ZFHX3: variants seen among roughly 807,000 people sequenced by gnomAD.
ZFHX3 encodes zinc finger homeobox 3.
A neutral mutation model predicts 279.1 loss-of-function variants in ZFHX3; 42 were observed. The observed-to-expected ratio is 0.15, with a 90% CI of 0.12 to 0.19. The LOEUF is 0.19. ZFHX3 is among the 10% of genes least tolerant of loss of function. The pLI is 1.00. For missense variants in ZFHX3, 4,981 were observed against 4,754.0 expected, an observed-to-expected ratio of 1.05 and a Z score of -1.40; for synonymous variants, 2,293 against 1,957.8, an observed-to-expected ratio of 1.17 and a Z score of -4.52.
chr16:72,908,626 C>T (rs748884614), intron 3 of ZFHX3, among the ~76,000 whole-genome samples: 4 of 152,152 alleles, frequency 2.6e-5, no homozygotes, highest in East Asian at 3.9e-4. Context: ...GTGTCAGTCC[C>T]GCTGGTGCCA....
chr16:72,904,413 A>AATAG (rs2039120337), intron 3 of ZFHX3, among the ~76,000 whole-genome samples: 1 of 149,758 alleles, frequency 6.7e-6, no homozygotes. Flanking sequence ...TAAATAAATA[A>AATAG]ATAAATAAAA....
intron 5 of ZFHX3, among the ~76,000 whole-genome samples, chr16:73,171,821 T>C (rs1253661353): frequency 6.6e-6 from 1 of 152,218 alleles, no homozygotes; most frequent in African/African-American, 2.4e-5. Context: ...TGTCAACCTT[T>C]GGGGTTGAAT....
chr16:73,866,953 C>G (rs1270908621), intron 1 of ZFHX3, among the ~76,000 whole-genome samples: 2 of 152,160 alleles, frequency 1.3e-5, no homozygotes, highest in Non-Finnish European at 2.9e-5. Context: ...CTTCATGTCC[C>G]TTCTTGCTTT....
At position 72,950,450 on chromosome 16, in the gene ZFHX3, A is replaced by G; in HGVS notation, c.3216+19T>C. 6.2e-7 allele frequency: 1 copy of G among 1,606,708 alleles called. No individual in the cohort carries two copies. On this transcript the variant is annotated intron_variant, in intron 3 of 9. Coordinates refer to ENST00000268489, the MANE Select transcript of ZFHX3 (RefSeq NM_006885.4). ...TCCTTTCAGAAAGAGCGCCTGAGCC[A>G]TAAGGAGCTGGGCCTTACCTTGTAC...
intron 3 of ZFHX3, among the ~76,000 whole-genome samples, chr16:73,430,531 G>A (rs574151123): frequency 7.9e-5 from 12 of 152,162 alleles, no homozygotes; most frequent in East Asian, 3.9e-4. Flanking sequence ...GCGCTTCTGC[G>A]GGCAGAAGAG....
intron 1 of ZFHX3, among the ~76,000 whole-genome samples, chr16:73,784,808 T>C (rs1487634178): frequency 0.034 from 4,599 of 135,584 alleles, 275 homozygotes; most frequent in African/African-American, 0.12. Context: ...TATATATATA[T>C]ATATATATAC....
At chr16:72,957,371 AT>A (rs1335539334) in intron 2 of ZFHX3, 55 bp downstream of exon 2, 3 of 1,537,624 alleles carry the variant, frequency 2.0e-6, no homozygotes, top group African/African-American at 1.4e-5. Context: ...CCTATTCACC[AT>A]TCTCCCTGGT....
intron 5 of ZFHX3, among the ~76,000 whole-genome samples, chr16:73,224,645 A>G (rs2012535385): frequency 6.6e-6 from 1 of 152,252 alleles, no homozygotes; most frequent in South Asian, 2.1e-4. Flanking sequence ...ATCTCCTGAC[A>G]GATGAAATGC....
chr16:73,537,314 C>CTTTTTTTTTT (rs3051948), intron 2 of ZFHX3, among the ~76,000 whole-genome samples: 10 of 77,620 alleles, frequency 1.3e-4, no homozygotes, highest in Admixed American at 1.9e-4. Context: ...CTTTCTTCTT[C>CTTTTTTTTTT]TTTTTTTTTT....
chr16:72,791,143 G>C (rs763856211), intron 9 of ZFHX3: 2 of 152,146 alleles, frequency 1.3e-5, no homozygotes, highest in Non-Finnish European at 2.9e-5. Context: ...CACATCAGAC[G>C]TGTGACCCTG....
chr16:73,661,282 G>T (rs1355376420), intron 2 of ZFHX3, among the ~76,000 whole-genome samples: 1 of 151,988 alleles, frequency 6.6e-6, no homozygotes, highest in Non-Finnish European at 1.5e-5. Context: ...TGCCTCAATT[G>T]TAAAAAACAA....
intron 5 of ZFHX3, among the ~76,000 whole-genome samples, chr16:73,221,102 G>A (rs952993992): frequency 1.6e-4 from 25 of 152,156 alleles, no homozygotes; most frequent in African/African-American, 5.6e-4. Flanking sequence ...TAGCATAACC[G>A]TATTGTTGTA....
chr16:72,795,755 A>G lies in ZFHX3; in HGVS notation c.6927T>C (p.Asp2309=). The change falls in exon 9 of 10, where the codon GAT becomes GAC. Residue 2309 remains aspartate (D), a synonymous_variant. Transcript: ENST00000268489. Reference sequence around the variant, plus strand: ...CATTTGTAAGCTCACGCCGCTCTCCATCTTTGCCCTCTCCCTGATTCTCAT... The same window carrying G: ...CATTTGTAAGCTCACGCCGCTCTCCGTCTTTGCCCTCTCCCTGATTCTCAT... ...KNYENQGEGK[D]GERRELTNDR... is the part of the protein sequence containing the mutation. 6.2e-7 allele frequency: 1 copy of G among 1,614,162 alleles called. No individual in the cohort carries two copies. The highest frequency in any genetic ancestry group is 1.3e-5 in the African/African-American group (1 of 75,028).
intron 1 of ZFHX3, among the ~76,000 whole-genome samples, chr16:73,708,090 A>T (rs539990558): frequency 7.9e-5 from 12 of 151,208 alleles, no homozygotes; most frequent in African/African-American, 2.2e-4. Context: ...GGGGGGGGGA[A>T]GTATTTACAA....
chr16:73,864,828 G>A (rs1414876532), intron 1 of ZFHX3, among the ~76,000 whole-genome samples: 3 of 152,172 alleles, frequency 2.0e-5, no homozygotes, highest in Admixed American at 1.3e-4. Flanking sequence ...ATTTGAATTG[G>A]TGTCATAAAC....
chr16:73,484,414 A>C (rs1358918867), intron 2 of ZFHX3, among the ~76,000 whole-genome samples: 3 of 152,176 alleles, frequency 2.0e-5, no homozygotes, highest in Non-Finnish European at 2.9e-5. Context: ...AAAGGTTTGC[A>C]GACTTTCGCC....
In ZFHX3 at chr16:73,303,054, G is replaced by T. The variant is rs140718665; in HGVS notation, c.-1194+15186C>A. 7.1e-4 allele frequency among the ~76,000 whole-genome samples: 107 copies of T among 151,490 alleles called. 2 individuals carry two copies. In the East Asian group the frequency reaches 0.018, roughly 26 times the overall value. On this transcript the variant is annotated intron_variant, in intron 4 of 17. Transcript: ENST00000641206. Reference sequence around the variant, plus strand: ...GAGACTTTTTTTTTTTTTGAGACAGGATCTTGCTCTGTTGCCCAGCCTGGA... The same window carrying T: ...GAGACTTTTTTTTTTTTTGAGACAGTATCTTGCTCTGTTGCCCAGCCTGGA...
At chr16:73,870,702 GT>G (rs1243222830) in intron 1 of ZFHX3, among the ~76,000 whole-genome samples, 2 of 152,164 alleles carry the variant, frequency 1.3e-5, no homozygotes, top group African/African-American at 4.8e-5. Context: ...TAAGTTCAAA[GT>G]CAATTCAGGA....
At chr16:73,335,994 T>C (rs888969352) in intron 3 of ZFHX3, among the ~76,000 whole-genome samples, 2 of 152,214 alleles carry the variant, frequency 1.3e-5, no homozygotes, top group African/African-American at 2.4e-5. Context: ...TGCCCAGTTC[T>C]GCCTCTAGCC....
Sources: allele counts gnomAD v4.1 joint callset (sites outside exome capture counted in the v4.1 genomes callset), GRCh38; gene constraint gnomAD v4.1.1; transcripts MANE v1.5; gene names NCBI Gene and HGNC (gene_info 2026-07-23, HGNC 2026-07-21).